TSPAN18: variants seen among roughly 807,000 people sequenced by gnomAD.
TSPAN18 encodes the protein tetraspanin-18.
In TSPAN18, 14 loss-of-function variants were observed where a neutral mutation model predicts 27.3. The observed-to-expected ratio is 0.51, with a 90% confidence interval of 0.34 to 0.80. The LOEUF is 0.80. Among genes scored for constraint, TSPAN18 ranks in the 30% least tolerant of loss-of-function variants. TSPAN18 has a pLI of 0.01. For missense variants in TSPAN18, 268 were observed against 323.9 expected, an observed-to-expected ratio of 0.83 and a Z score of 1.32; for synonymous variants, 143 against 136.5, an observed-to-expected ratio of 1.05 and a Z score of -0.33.
chr11:44,838,610 C>T (rs1857309574), intron 2 of TSPAN18, among the ~76,000 whole-genome samples: 1 of 152,110 alleles, frequency 6.6e-6, no homozygotes, highest in South Asian at 2.1e-4. Flanking sequence ...AGTTTGACTT[C>T]AGAAGAGGAG....
chr11:44,891,310 GC>G (rs1257655689), intron 3 of TSPAN18, among the ~76,000 whole-genome samples: 1 of 152,208 alleles, frequency 6.6e-6, no homozygotes, highest in African/African-American at 2.4e-5. Flanking sequence ...TTGCTAAGGG[GC>G]TAGGTGCTGG....
chr11:44,892,838 C>T (rs1360038181), intron 3 of TSPAN18, among the ~76,000 whole-genome samples: 1 of 152,244 alleles, frequency 6.6e-6, no homozygotes, highest in Non-Finnish European at 1.5e-5. Flanking sequence ...GCAGTTTCCT[C>T]ATCTGTAAAA....
chr11:44,855,131 T>C (rs1017284325), intron 2 of TSPAN18, among the ~76,000 whole-genome samples: 6 of 151,700 alleles, frequency 4.0e-5, no homozygotes, highest in African/African-American at 1.2e-4. Context: ...CATTAGATAA[T>C]ATGGATTCAT....
chr11:44,854,142 A>T (rs552677095), intron 2 of TSPAN18, among the ~76,000 whole-genome samples: 314 of 132,540 alleles, frequency 2.4e-3, no homozygotes, highest in Non-Finnish European at 2.6e-3. Context: ...TTATACACAT[A>T]CACACATGCC....
intron 2 of TSPAN18, among the ~76,000 whole-genome samples, chr11:44,773,685 G>A (rs923430112): frequency 6.6e-6 from 1 of 152,106 alleles, no homozygotes; most frequent in Non-Finnish European, 1.5e-5. Context: ...GGGTTGCTGT[G>A]GGGGGATGGG....
chr11:44,752,947 T>C (rs1855246345), intron 1 of TSPAN18, among the ~76,000 whole-genome samples: 1 of 152,192 alleles, frequency 6.6e-6, no homozygotes, highest in Non-Finnish European at 1.5e-5. Context: ...CCTGGGTAAT[T>C]ACAGGATTCT....
intron 2 of TSPAN18, among the ~76,000 whole-genome samples, chr11:44,831,549 C>T (rs544838937): frequency 3.9e-5 from 6 of 152,316 alleles, no homozygotes; most frequent in South Asian, 2.1e-4. Flanking sequence ...CTTGTTTACA[C>T]GGCCCCTTCA....
chr11:44,915,015 C>T (rs1859854055), intron 5 of TSPAN18, among the ~76,000 whole-genome samples: 1 of 152,240 alleles, frequency 6.6e-6, no homozygotes, highest in Admixed American at 6.5e-5. Flanking sequence ...ATGGCACACA[C>T]ACATCCCAGA....
chr11:44,906,350 G>T (rs1463068625), intron 3 of TSPAN18, 57 bp from the exon 4 acceptor site: 4 of 1,529,594 alleles, frequency 2.6e-6, no homozygotes, highest in East Asian at 2.2e-5. Flanking sequence ...GAGGGGCTGG[G>T]GTTCTTCCTG....
At chr11:44,889,864 G>T (rs1241798100) in intron 3 of TSPAN18, among the ~76,000 whole-genome samples, 1 of 152,216 alleles carries the variant, frequency 6.6e-6, no homozygotes, top group African/African-American at 2.4e-5. Context: ...TGAGCCTGCA[G>T]AATCCAAATC....
chr11:44,836,161 C>T (rs1857259735), intron 2 of TSPAN18, among the ~76,000 whole-genome samples: 1 of 152,188 alleles, frequency 6.6e-6, no homozygotes, highest in Non-Finnish European at 1.5e-5. Flanking sequence ...ATAAGGAAGG[C>T]ATGCTGAAAA....
chr11:44,776,081 G>A (rs1408478993), intron 2 of TSPAN18, among the ~76,000 whole-genome samples: 3 of 152,232 alleles, frequency 2.0e-5, no homozygotes, highest in Non-Finnish European at 2.9e-5. Context: ...TGGGCACACT[G>A]TTGTAAATGT....
At position 44,930,958 on chromosome 11, in the gene TSPAN18, AC is replaced by A. The variant is rs1850026845; in HGVS notation, c.*1781del. ...CCAGTCACCAGGGACACTCGGAGCC[AC>A]AGCCTAGAGCCCCGTGTTCCCTGGC... On this transcript the variant is annotated 3_prime_UTR_variant, in exon 10 of 10. Coordinates refer to ENST00000520358, the MANE Select transcript of TSPAN18 (RefSeq NM_130783.5). 1 of 504,116 alleles carries A rather than the reference AC, an allele frequency of 2.0e-6. No homozygotes were observed. The highest frequency in any genetic ancestry group is 2.0e-5 in the African/African-American group (1 of 51,250). The allele number at this position is 504,116 out of a possible 1,614,324, so 31.2% of individuals were successfully genotyped here. A position where few individuals can be genotyped will look rare whatever the true frequency, so the allele number is the denominator to read the frequency against.
At chr11:44,894,416 C>T (rs1473986881) in intron 3 of TSPAN18, among the ~76,000 whole-genome samples, 1 of 152,252 alleles carries the variant, frequency 6.6e-6, no homozygotes, top group Non-Finnish European at 1.5e-5. Flanking sequence ...GGGGCTTCTC[C>T]ATCTCTCTTG....
At chr11:44,763,280 T>A (rs921024368) in intron 1 of TSPAN18, among the ~76,000 whole-genome samples, 3 of 152,172 alleles carry the variant, frequency 2.0e-5, no homozygotes, top group Admixed American at 6.5e-5. Flanking sequence ...GCTGTAAGTT[T>A]TGCTCTTATT....
At chr11:44,777,938 G>T (rs1282834765) in intron 2 of TSPAN18, among the ~76,000 whole-genome samples, 2 of 152,192 alleles carry the variant, frequency 1.3e-5, no homozygotes, top group African/African-American at 2.4e-5. Flanking sequence ...TCTGGGGCAA[G>T]CTGGCTCAGG....
rs144346712 is a variant in TSPAN18, at chr11:44,816,782, T to C, written c.-152-43546T>C. On this transcript the variant is annotated intron_variant, in intron 2 of 9. Coordinates refer to ENST00000520358, the MANE Select transcript of TSPAN18 (RefSeq NM_130783.5). Reference sequence around the variant, plus strand: ...GGGGAGTCTGCTCCCAAGCTGCTGCTGTCTGGGTGCAGGAAGGAGGTGGGC... The same window carrying C: ...GGGGAGTCTGCTCCCAAGCTGCTGCCGTCTGGGTGCAGGAAGGAGGTGGGC... Among the ~76,000 whole-genome samples, 1,268 of 152,362 alleles carry C rather than the reference T, an allele frequency of 8.3e-3. 7 individuals carry two copies. Among genetic ancestry groups the C allele is most frequent in the Non-Finnish European group, 0.012 (839 of 68,030 alleles).
In TSPAN18 at chr11:44,909,731, C is replaced by A. The variant is rs201130119; in HGVS notation, c.90C>A (p.Ile30=). The A allele has an allele frequency of 5.6e-6, 9 of 1,612,166 alleles. No homozygotes were observed. In the South Asian group the frequency reaches 9.9e-5, roughly 18 times the overall value. ...IFLGGACLLA[I]GIWVMVDPTG... Reference sequence around the variant, plus strand: ...TGGGCGGGGCCTGCCTGCTGGCCATCGGCATCTGGGTCATGGTGGACCCCA... The same window carrying A: ...TGGGCGGGGCCTGCCTGCTGGCCATAGGCATCTGGGTCATGGTGGACCCCA... The change falls in exon 5 of 10, where the codon ATC becomes ATA. Residue 30 remains isoleucine (I), a synonymous_variant. Coordinates refer to ENST00000520358, the MANE Select transcript of TSPAN18 (RefSeq NM_130783.5).
rs1276711955 is a variant in TSPAN18 at position 44,786,468 on chromosome 11, C to G, written c.-153+21956C>G. ...TCAGAGTGAAACTCGGTGATGTCCT[C>G]AGTGTGGTTCCCTGCCAGTTTTGTG... On this transcript the variant is annotated intron_variant, in intron 2 of 9. Transcript: ENST00000520358. 2.0e-5 allele frequency among the ~76,000 whole-genome samples: 3 copies of G among 152,022 alleles called. No individual in the cohort carries two copies. The East Asian group carries it at 5.8e-4, about 29-fold the overall frequency.
Sources: allele counts gnomAD v4.1 joint callset (sites outside exome capture counted in the v4.1 genomes callset), GRCh38; gene constraint gnomAD v4.1.1; transcripts MANE v1.5; gene names NCBI Gene and HGNC (gene_info 2026-07-23, HGNC 2026-07-21).